PRUNE2: variants seen among roughly 807,000 people sequenced by gnomAD.
PRUNE2 encodes the protein prune homolog 2 with BCH domain, also known as protein prune homolog 2.
A neutral mutation model predicts 252.0 loss-of-function variants in PRUNE2; 164 were observed. The ratio of observed to expected loss-of-function variants is 0.65; its 90% confidence interval spans 0.57 to 0.74. The LOEUF is 0.74. Ranked by LOEUF, PRUNE2 falls within the 30% of genes least tolerant of loss-of-function variation. PRUNE2 has a pLI of 0.00. For synonymous variants in PRUNE2, 1,292 were observed against 1,350.2 expected, an observed-to-expected ratio of 0.96 and a Z score of 0.94; for missense variants, 3,495 against 3,711.0, an observed-to-expected ratio of 0.94 and a Z score of 1.51.
chr9:76,728,664 C>T (rs1441400447), intron 6 of PRUNE2, among the ~76,000 whole-genome samples: 5 of 152,080 alleles, frequency 3.3e-5, no homozygotes, highest in Non-Finnish European at 1.5e-5. Flanking sequence ...AATAAGCAGC[C>T]CTAACTTCTC....
At chr9:76,769,764 T>G (rs991038114) in intron 6 of PRUNE2, among the ~76,000 whole-genome samples, 4 of 152,176 alleles carry the variant, frequency 2.6e-5, no homozygotes, top group Non-Finnish European at 4.4e-5. Flanking sequence ...TAGGAGAGCT[T>G]ATCAAAGTAG....
At chr9:76,772,263 CTACTGG>C (rs1201741927) in intron 6 of PRUNE2, among the ~76,000 whole-genome samples, 4 of 152,192 alleles carry the variant, frequency 2.6e-5, no homozygotes, top group Non-Finnish European at 5.9e-5. Flanking sequence ...AGCTTCTTAG[CTACTGG>C]TATGGTGTGG....
At chr9:76,839,858 C>A (rs149699994) in intron 4 of PRUNE2, among the ~76,000 whole-genome samples, 260 of 152,218 alleles carry the variant, frequency 1.7e-3, no homozygotes, top group African/African-American at 5.9e-3. Context: ...GATGGATTTG[C>A]AGAAGGCAAA....
chr9:76,853,896 G>T (rs1188377617), intron 2 of PRUNE2, among the ~76,000 whole-genome samples: 2 of 152,152 alleles, frequency 1.3e-5, no homozygotes, highest in African/African-American at 2.4e-5. Flanking sequence ...AGGAGAGTTG[G>T]TAAGAAATAG....
At chr9:76,697,780 T>G (rs1713282390) in intron 9 of PRUNE2, among the ~76,000 whole-genome samples, 1 of 152,208 alleles carries the variant, frequency 6.6e-6, no homozygotes, top group African/African-American at 2.4e-5. Context: ...CTGGATGACA[T>G]GAAGCAGTTC....
chr9:76,859,296 TATCTC>T (rs2060427978), intron 1 of PRUNE2, among the ~76,000 whole-genome samples: 1 of 152,178 alleles, frequency 6.6e-6, no homozygotes. Context: ...CTTAACTTCT[TATCTC>T]TTTTTAAAAG....
chr9:76,712,087 T>A (rs1460313518), intron 7 of PRUNE2, among the ~76,000 whole-genome samples: 1 of 152,054 alleles, frequency 6.6e-6, no homozygotes, highest in African/African-American at 2.4e-5. Flanking sequence ...ATAAAATTAA[T>A]AATAATAATA....
rs10681024 is a variant in PRUNE2, at chr9:76,785,733, C to CTGTGTGTG, written c.756+37891_756+37898dup. 673 of 149,636 alleles carry CTGTGTGTG rather than the reference C, an allele frequency of 4.5e-3. 3 individuals carry two copies. The highest frequency in any genetic ancestry group is 0.015 in the African/African-American group (625 of 40,846). The allele number at this position is 149,636 out of a possible 1,614,324, so 9.3% of individuals were successfully genotyped here. A position where few individuals can be genotyped will look rare whatever the true frequency, so the allele number is the denominator to read the frequency against. On this transcript the variant is annotated intron_variant, in intron 6 of 18. Coordinates refer to ENST00000376718, the MANE Select transcript of PRUNE2 (RefSeq NM_015225.3). The stretch of plus-strand genomic sequence containing the variant: ...TACTCAGGACCAGTTGTTAAGAGCT[C>CTGTGTGTG]TGTGTGTGTGTGTGTGTGTGTGAGT...
chr9:76,900,272 T>A (rs1257938295), intron 1 of PRUNE2, among the ~76,000 whole-genome samples: 1 of 152,176 alleles, frequency 6.6e-6, no homozygotes, highest in Non-Finnish European at 1.5e-5. Flanking sequence ...AAAGTAGGCA[T>A]CACTTATTCC....
At position 76,764,160 on chromosome 9, in the gene PRUNE2, A is replaced by G. The variant is rs990748118; in HGVS notation, c.757-50439T>C. Among the ~76,000 whole-genome samples the G allele has an allele frequency of 2.6e-5, 4 of 152,366 alleles. No homozygotes were observed. The East Asian group carries it at 7.7e-4, about 29-fold the overall frequency. On this transcript the variant is annotated intron_variant, in intron 6 of 18. Transcript: ENST00000376718. ...TGGCACTGTTCTAGGCACCAGTGAT[A>G]TAGGAGCCAACAAGACAGACATGTC...
intron 4 of PRUNE2, among the ~76,000 whole-genome samples, chr9:76,831,438 C>CAATTATAGTAATATTTTAAAGAGTTTAG (rs1330420068): frequency 6.6e-6 from 1 of 151,832 alleles, no homozygotes; most frequent in Non-Finnish European, 1.5e-5. Flanking sequence ...CTGTATAAAA[C>CAATTATAGTAATATTTTAAAGAGTTTAG]AATTATAGTA....
At chr9:76,897,071 T>C (rs894254474) in intron 1 of PRUNE2, among the ~76,000 whole-genome samples, 2 of 152,218 alleles carry the variant, frequency 1.3e-5, no homozygotes, top group African/African-American at 4.8e-5. Context: ...ACCATGTTTT[T>C]CTCATAGCAG....
In PRUNE2 at chr9:76,622,863, A is replaced by T. The variant is rs539724839; in HGVS notation, c.9188+1589T>A. On this transcript the variant is annotated intron_variant, in intron 17 of 18. Transcript: ENST00000376718. The stretch of plus-strand genomic sequence containing the variant: ...GAAAATGAGAAGACTGGAATATTGT[A>T]ACAGTAAACTCCACTAATGCTAAAC... Among the ~76,000 whole-genome samples the T allele has an allele frequency of 8.6e-3, 1,317 of 152,322 alleles. 26 individuals are homozygous for T. The highest frequency in any genetic ancestry group is 0.03 in the African/African-American group (1,252 of 41,576).
chr9:76,639,629 A>T (rs1841724675), intron 12 of PRUNE2, among the ~76,000 whole-genome samples: 1 of 152,176 alleles, frequency 6.6e-6, no homozygotes, highest in South Asian at 2.1e-4. Context: ...TATGAAGAGG[A>T]AGAAAACTTC....
intron 10 of PRUNE2, among the ~76,000 whole-genome samples, chr9:76,655,036 TGATAGTTAG>T (rs1848689910): frequency 2.0e-5 from 3 of 152,226 alleles, no homozygotes; most frequent in Admixed American, 1.3e-4. Flanking sequence ...GTTTTGGTTT[TGATAGTTAG>T]GATACTGAGC....
At chr9:76,729,707 A>G (rs1305970058) in intron 6 of PRUNE2, among the ~76,000 whole-genome samples, 1 of 152,156 alleles carries the variant, frequency 6.6e-6, no homozygotes, top group Non-Finnish European at 1.5e-5. Flanking sequence ...AACATAAAAT[A>G]ATGCATCCAT....
chr9:76,738,051 T>G (rs1311622469), intron 6 of PRUNE2: 1 of 152,234 alleles, frequency 6.6e-6, no homozygotes, highest in African/African-American at 2.4e-5. Flanking sequence ...TACCTACAGC[T>G]GTGTTTTAAA....
At chr9:76,781,000 C>T (rs1024849247) in intron 6 of PRUNE2, among the ~76,000 whole-genome samples, 11 of 152,120 alleles carry the variant, frequency 7.2e-5, no homozygotes, top group African/African-American at 2.2e-4. Flanking sequence ...ACATTTTTTC[C>T]TCCCTAGTCC....
intron 6 of PRUNE2, among the ~76,000 whole-genome samples, chr9:76,773,784 T>C (rs1233977746): frequency 6.6e-6 from 1 of 152,232 alleles, no homozygotes; most frequent in East Asian, 1.9e-4. Context: ...AGAATGTTTT[T>C]TTCCCTGTTC....
Sources: gnomAD v4.1 joint callset for allele counts (sites outside exome capture counted in the v4.1 genomes callset) on GRCh38, gnomAD v4.1.1 for gene constraint, MANE v1.5 for transcripts, NCBI Gene and HGNC (gene_info 2026-07-23, HGNC 2026-07-21) for gene names.